The following GARIN5A variants were observed in gnomAD, a reference collection of about 807,000 sequenced individuals.
The protein encoded by GARIN5A is golgi associated RAB2 interactor 5A.
chr19:50,467,902 C>G, the GARIN5A span: 1 of 1,359,328 alleles, frequency 7.4e-7, no homozygotes, highest in South Asian at 1.2e-5. Context: ...GTCAGGGGTC[C>G]CCACCTTGCC....
chr19:50,471,220 C>A, the GARIN5A span, among the ~76,000 whole-genome samples: 4 of 152,136 alleles, frequency 2.6e-5, no homozygotes, highest in African/African-American at 9.7e-5. Context: ...CCACCTTGGC[C>A]TCCCAAATGC....
the GARIN5A span, among the ~76,000 whole-genome samples, chr19:50,474,503 G>A: frequency 6.6e-6 from 1 of 151,910 alleles, no homozygotes; most frequent in Non-Finnish European, 1.5e-5. Context: ...TCACCACCAC[G>A]CCCGACTAAT....
At chr19:50,475,256 G>A in the GARIN5A span, 9 of 1,508,886 alleles carry the variant, frequency 6.0e-6, no homozygotes, top group East Asian at 1.4e-4. Context: ...ACGAGGGGAG[G>A]TACTGCTGGG....
the GARIN5A span, among the ~76,000 whole-genome samples, chr19:50,474,123 G>C: frequency 3.9e-5 from 6 of 151,950 alleles, no homozygotes; most frequent in Admixed American, 6.6e-5. Flanking sequence ...TTTTGTGCTT[G>C]TTTTCTCGTT....
chr19:50,471,754 ATGTGTATACGCATACATACCTG>A, the GARIN5A span, among the ~76,000 whole-genome samples: 8 of 79,718 alleles, frequency 1.0e-4, no homozygotes, highest in African/African-American at 5.2e-4. Context: ...GCATACATGC[ATGTGTATACGCATACATACCTG>A]TGTGTATACG....
chr19:50,471,457 T>C, the GARIN5A span, among the ~76,000 whole-genome samples: 1 of 151,666 alleles, frequency 6.6e-6, no homozygotes, highest in South Asian at 2.1e-4. Flanking sequence ...TTTGTAGAGA[T>C]AGGGTCTCAC....
the GARIN5A span, among the ~76,000 whole-genome samples, chr19:50,472,395 C>A: frequency 0.02 from 3,053 of 151,960 alleles, 82 homozygotes; most frequent in East Asian, 0.12. Flanking sequence ...AAGTGAGGGG[C>A]TAGGAGGTGA....
chr19:50,474,822 G>A, the GARIN5A span, among the ~76,000 whole-genome samples: 1 of 152,176 alleles, frequency 6.6e-6, no homozygotes, highest in Non-Finnish European at 1.5e-5. Flanking sequence ...ATGACGTAAA[G>A]GGGCAGTGTG....
the GARIN5A span, chr19:50,476,280 CA>C: frequency 1.2e-6 from 2 of 1,606,712 alleles, no homozygotes; most frequent in African/African-American, 1.3e-5. Flanking sequence ...ACTGTGACGT[CA>C]TGATGCGGAG....
chr19:50,475,984 G>A, the GARIN5A span: 3 of 1,604,442 alleles, frequency 1.9e-6, no homozygotes, highest in Non-Finnish European at 2.6e-6. Flanking sequence ...TCGATCCTGG[G>A]AGGCTGTGCC....
At chr19:50,475,799 A>C in the GARIN5A span, 1 of 1,488,128 alleles carries the variant, frequency 6.7e-7, no homozygotes, top group Non-Finnish European at 9.4e-7. Flanking sequence ...GGGCAGGCCG[A>C]GGCTGGGGAT....
At chr19:50,476,034 G>C in the GARIN5A span, 1 of 1,604,542 alleles carries the variant, frequency 6.2e-7, no homozygotes, top group Non-Finnish European at 8.5e-7. Context: ...GCCCCGCGGA[G>C]AGGACGGGGT....
the GARIN5A span, chr19:50,467,904 C>A: frequency 1.6e-6 from 2 of 1,290,262 alleles, no homozygotes; most frequent in East Asian, 4.9e-5. Context: ...CAGGGGTCCC[C>A]ACCTTGCCAC....
the GARIN5A span, chr19:50,476,435 T>A: frequency 6.4e-7 from 1 of 1,550,394 alleles, no homozygotes; most frequent in Non-Finnish European, 8.7e-7. Context: ...AGTGCGCAGG[T>A]GCCGGGGCCC....
chr19:50,471,960 A>ATATATACATGTATGTG, the GARIN5A span, among the ~76,000 whole-genome samples: 4 of 147,698 alleles, frequency 2.7e-5, no homozygotes, highest in African/African-American at 1.0e-4. Flanking sequence ...ACATGTATGT[A>ATATATACATGTATGTG]TGTATATATA....
the GARIN5A span, among the ~76,000 whole-genome samples, chr19:50,470,175 G>C: frequency 1.3e-5 from 2 of 152,220 alleles, no homozygotes; most frequent in African/African-American, 4.8e-5. Context: ...GCTGGACACA[G>C]CTTGGTGTCT....
chr19:50,476,539 G>C, the GARIN5A span: 787 of 1,571,494 alleles, frequency 5.0e-4, 6 homozygotes, highest in African/African-American at 9.3e-3. Flanking sequence ...GTGGGAAGAA[G>C]CCGAGATGGC....
the GARIN5A span, among the ~76,000 whole-genome samples, chr19:50,473,935 C>T: frequency 2.0e-5 from 3 of 151,714 alleles, no homozygotes; most frequent in African/African-American, 4.8e-5. Context: ...TGCAGTGAGC[C>T]GAGGTTGTGC....
At chr19:50,472,131 T>C in the GARIN5A span, among the ~76,000 whole-genome samples, 2 of 137,422 alleles carry the variant, frequency 1.5e-5, no homozygotes, top group African/African-American at 2.9e-5. Flanking sequence ...TATATACGTG[T>C]GTATATGTAT....
Sources: gnomAD v4.1 joint callset for allele counts (sites outside exome capture counted in the v4.1 genomes callset) on GRCh38, gnomAD v4.1.1 for gene constraint, MANE v1.5 for transcripts, NCBI Gene and HGNC (gene_info 2026-07-23, HGNC 2026-07-21) for gene names.